Variants in KIAA0513 observed in about 807,000 individuals in gnomAD.
The protein encoded by KIAA0513 is KIAA0513.
KIAA0513 carries 39 observed loss-of-function variants against 56.5 expected under a neutral mutation model. That is an observed-to-expected ratio of 0.69 (90% CI 0.53 to 0.90). The LOEUF is 0.90. Ranked by LOEUF, KIAA0513 falls within the 40% of genes least tolerant of loss-of-function variation. KIAA0513 has a pLI of 0.00. For synonymous variants in KIAA0513, 268 were observed against 215.6 expected (o/e 1.24, Z -2.13); for missense variants, 591 against 535.2 (o/e 1.10, Z -1.03).
chr16:85,084,493 G>C (rs1345464869), intron 10 of KIAA0513, among the ~76,000 whole-genome samples: 1 of 144,746 alleles, frequency 6.9e-6, no homozygotes, highest in African/African-American at 2.6e-5. Context: ...GCAATGGTGC[G>C]ATCTCGGCTC....
At chr16:85,086,476 C>T (rs1321985692) in intron 10 of KIAA0513, among the ~76,000 whole-genome samples, 168 bp from the exon 11 acceptor site, 2 of 152,214 alleles carry the variant, frequency 1.3e-5, no homozygotes, top group African/African-American at 2.4e-5. Context: ...TCCCGGCAGG[C>T]CTTGTGGAAG....
chr16:85,087,141 G>A lies in KIAA0513; in HGVS notation c.1161G>A (p.Gln387=). The change falls in exon 12 of 13, where the codon CAG becomes CAA. Residue 387 remains glutamine (Q), a synonymous_variant. Transcript: ENST00000683363. ...TGTGCAATGACTTCCTGAAGAAGCA[G>A]GCTGTGATTGGCAACCTGGATGAAG... ...KKLCNDFLKK[Q]AVIGNLDEEQ... is the part of the protein sequence containing the mutation. The A allele has an allele frequency of 1.2e-6, 2 of 1,614,182 alleles. No homozygotes were observed. Among genetic ancestry groups the A allele is most frequent in the South Asian group, 1.1e-5 (1 of 91,090 alleles).
rs2073662225 is a variant in KIAA0513, at chr16:85,076,775, C to G, written c.575-650C>G. ...CTGCTTTGGGTGGGGTAGGAACCCC[C>G]CAGTACAACCTGTGGCTCCTCCTTT... On this transcript the variant is annotated intron_variant, in intron 5 of 12. Coordinates refer to ENST00000683363, the MANE Select transcript of KIAA0513 (RefSeq NM_001388359.1). The surrounding 1 kb of genome is among the most constrained non-coding windows in gnomAD (Gnocchi z 4.7). Among the ~76,000 whole-genome samples the G allele has an allele frequency of 6.6e-6, 1 of 152,180 alleles. No homozygotes were observed. Among genetic ancestry groups the G allele is most frequent in the African/African-American group, 2.4e-5 (1 of 41,444 alleles).
chr16:85,049,104 A>G (rs16975155), intron 1 of KIAA0513, among the ~76,000 whole-genome samples: 61,096 of 152,220 alleles, frequency 0.4, 13,699 homozygotes, highest in African/African-American at 0.61. Flanking sequence ...GCTCCCTGCC[A>G]AACTGCGTGG....
At chr16:85,078,338 A>C (rs1202100497) in intron 6 of KIAA0513, 77 bp from the exon 7 acceptor site, 1 of 1,514,298 alleles carries the variant, frequency 6.6e-7, no homozygotes, top group East Asian at 2.3e-5. Flanking sequence ...CCACCTTAGA[A>C]GTGTAGAACA....
chr16:85,035,978 CAAAA>C (rs898368153), intron 1 of KIAA0513, among the ~76,000 whole-genome samples: 17 of 55,114 alleles, frequency 3.1e-4, no homozygotes, highest in African/African-American at 8.4e-4. Context: ...GACTCCGTCC[CAAAA>C]AAAAAAAAAA....
chr16:85,081,293 T>C lies in KIAA0513; in HGVS notation c.903-22T>C. The C allele has an allele frequency of 6.2e-7, 1 of 1,612,740 alleles. No individual in the cohort carries two copies. The highest frequency in any genetic ancestry group is 1.1e-5 in the South Asian group (1 of 90,908). On this transcript the variant is annotated intron_variant, in intron 8 of 12. Transcript: ENST00000683363. This position sits in a 1 kb window ranked among gnomAD's most constrained non-coding sequence, Gnocchi z 4.4. The stretch of plus-strand genomic sequence containing the variant: ...TCCCCGCCTCCCCTTGGAGAGAGTG[T>C]GACTGGGGCTCTGTCTTGCAGGCAC...
chr16:85,049,697 C>T (rs1215464673), intron 1 of KIAA0513, among the ~76,000 whole-genome samples: 1 of 152,192 alleles, frequency 6.6e-6, no homozygotes, highest in Non-Finnish European at 1.5e-5. Context: ...CCCCAGAAGT[C>T]AAGCGGATGC....
Position 85,071,898 on chromosome 16 carries a change from T to C in KIAA0513, c.429+16T>C. 4.7e-6 allele frequency: 7 copies of C among 1,489,540 alleles called. No individual in the cohort carries two copies. The highest frequency in any genetic ancestry group is 6.5e-6 in the Non-Finnish European group (7 of 1,070,220). 92.3% of individuals were successfully genotyped at this position (1,489,540 alleles called of 1,614,324 possible). On this transcript the variant is annotated intron_variant, in intron 3 of 12. Transcript: ENST00000683363. ...GAGTGCCCAGGTAAGGGCGAGGTGATGGGAAGGATGGGCGTTTACTCTCAA... is the reference window on the plus strand; with the variant it reads ...GAGTGCCCAGGTAAGGGCGAGGTGACGGGAAGGATGGGCGTTTACTCTCAA...
chr16:85,076,851 G>C lies in KIAA0513; in HGVS notation c.575-574G>C, dbSNP rs2073663008. The stretch of plus-strand genomic sequence containing the variant: ...AATAGACACTGCTTCCTGAGACAGG[G>C]CCACCCACAGCAGCTTCAGCTAGCG... On this transcript the variant is annotated intron_variant, in intron 5 of 12. Transcript: ENST00000683363. The surrounding 1 kb of genome is among the most constrained non-coding windows in gnomAD (Gnocchi z 4.7). Among the ~76,000 whole-genome samples, 1 of 152,202 alleles carries C rather than the reference G, an allele frequency of 6.6e-6. No homozygotes were observed. The highest frequency in any genetic ancestry group is 6.5e-5 in the Admixed American group (1 of 15,288).
At chr16:85,039,592 A>C (rs1455125488) in intron 1 of KIAA0513, among the ~76,000 whole-genome samples, 1 of 151,754 alleles carries the variant, frequency 6.6e-6, no homozygotes, top group African/African-American at 2.4e-5. Flanking sequence ...ACTTGGGAAT[A>C]CTCCTGAGTA....
intron 3 of KIAA0513, among the ~76,000 whole-genome samples, chr16:85,072,119 G>C (rs571127490): frequency 3.9e-5 from 6 of 152,170 alleles, no homozygotes; most frequent in African/African-American, 1.4e-4. Flanking sequence ...TTGGGAGGCC[G>C]AGGTGGGAGG....
chr16:85,067,179 C>T lies in KIAA0513; in HGVS notation c.108C>T (p.Gly36=). The part of the protein sequence containing the change: ...APPPVLQDGD[G]SLGDGASESE... ...CCCCTGTGCTGCAGGACGGCGATGG[C>T]TCCCTGGGGGACGGTGCATCAGAGA... is the stretch of plus-strand genomic sequence containing the variant. Residue 36 remains glycine, a synonymous_variant, in exon 2 of 13, where the codon GGC becomes GGT. Coordinates refer to ENST00000683363, the MANE Select transcript of KIAA0513 (RefSeq NM_001388359.1). 1 of 1,614,172 alleles carries T rather than the reference C, an allele frequency of 6.2e-7. No individual in the cohort carries two copies. Among genetic ancestry groups the T allele is most frequent in the Non-Finnish European group, 8.5e-7 (1 of 1,180,010 alleles).
intron 1 of KIAA0513, among the ~76,000 whole-genome samples, chr16:85,045,645 G>A (rs936927979): frequency 6.6e-6 from 1 of 152,110 alleles, no homozygotes; most frequent in East Asian, 1.9e-4. Context: ...GTGAGCCACC[G>A]CACCCAGCCC....
chr16:85,084,629 A>T (rs1308631759), intron 10 of KIAA0513, among the ~76,000 whole-genome samples: 1 of 152,250 alleles, frequency 6.6e-6, no homozygotes, highest in East Asian at 1.9e-4. Flanking sequence ...GGGTTTCACC[A>T]TGTTGGTCAG....
intron 6 of KIAA0513, 95 bp downstream of exon 6, chr16:85,077,727 GC>G (rs1401613750): frequency 1.1e-6 from 1 of 904,156 alleles, no homozygotes; most frequent in South Asian, 1.7e-5. Context: ...TGCGGGTGAG[GC>G]CCAGAGACTG....
At chr16:85,043,521 C>A (rs895803922) in intron 1 of KIAA0513, among the ~76,000 whole-genome samples, 1 of 147,424 alleles carries the variant, frequency 6.8e-6, no homozygotes, top group Admixed American at 7.0e-5. Flanking sequence ...AAGCAATTCT[C>A]ATGCCACAGC....
chr16:85,060,249 C>A (rs66680446), intron 1 of KIAA0513, among the ~76,000 whole-genome samples: 12,806 of 152,270 alleles, frequency 0.084, 1,756 homozygotes, highest in African/African-American at 0.28. Context: ...GCGTGAGCCA[C>A]TGTGCCCGGC....
intron 1 of KIAA0513, among the ~76,000 whole-genome samples, chr16:85,038,049 G>A (rs1276094654): frequency 6.6e-6 from 1 of 152,220 alleles, no homozygotes; most frequent in Non-Finnish European, 1.5e-5. Flanking sequence ...CTCCTGGGAT[G>A]TATTCCCAAG....
Sources: gnomAD v4.1 joint callset for allele counts (sites outside exome capture counted in the v4.1 genomes callset) on GRCh38, gnomAD v4.1.1 for gene constraint, Gnocchi (gnomAD v3.1) non-coding constraint, MANE v1.5 for transcripts, NCBI Gene and HGNC (gene_info 2026-07-23, HGNC 2026-07-21) for gene names.